Variants in PPFIA1 observed in about 807,000 individuals in gnomAD.
The protein encoded by PPFIA1 is PPFI scaffold protein A1.
Under a neutral mutation model 149.9 loss-of-function variants are expected in PPFIA1, and 25 were observed. The ratio of observed to expected loss-of-function variants is 0.17; its 90% CI spans 0.12 to 0.23. PPFIA1 has a LOEUF of 0.23. Among genes scored for constraint, PPFIA1 ranks in the 10% least tolerant of loss-of-function variants. The probability of loss-of-function intolerance (pLI) is 1.00; values close to 1 mark genes in which losing one functional copy is unlikely to be tolerated. For synonymous variants in PPFIA1, 549 were observed against 552.8 expected, an observed-to-expected ratio of 0.99 and a Z score of 0.10; for missense variants, 1,362 against 1,506.5, an observed-to-expected ratio of 0.90 and a Z score of 1.59.
At chr11:70,372,177 T>C in intron 21 of PPFIA1, 38 bp from the exon 22 acceptor site, 1 of 1,551,560 alleles carries the variant, frequency 6.4e-7, no homozygotes, top group Non-Finnish European at 8.7e-7. Flanking sequence ...CTTTTGAGAC[T>C]TCCTCTGTAA....
intron 2 of PPFIA1, chr11:70,278,877 T>C: frequency 2.0e-6 from 1 of 508,116 alleles, no homozygotes. Context: ...GTAGAGTGTT[T>C]AGGGTCCTGA....
At chr11:70,379,418 G>C (rs985295125) in intron 26 of PPFIA1, among the ~76,000 whole-genome samples, 3 of 151,432 alleles carry the variant, frequency 2.0e-5, no homozygotes, top group African/African-American at 4.9e-5. Context: ...AGATTGTGCC[G>C]CTGCACTCTA....
At chr11:70,297,917 A>C (rs2052191534) in intron 2 of PPFIA1, among the ~76,000 whole-genome samples, 1 of 152,224 alleles carries the variant, frequency 6.6e-6, no homozygotes, top group African/African-American at 2.4e-5. Context: ...GGTGGCCAGC[A>C]TGCCTGACAA....
intron 1 of PPFIA1, among the ~76,000 whole-genome samples, chr11:70,271,706 G>A (rs534885979): frequency 5.9e-5 from 9 of 152,264 alleles, no homozygotes; most frequent in African/African-American, 2.2e-4. Context: ...GATGCCTGAT[G>A]GATTTTGTAC....
intron 21 of PPFIA1, among the ~76,000 whole-genome samples, chr11:70,368,350 A>T (rs752042382): frequency 6.6e-6 from 1 of 152,220 alleles, no homozygotes; most frequent in Non-Finnish European, 1.5e-5. Flanking sequence ...TAAATTTAGA[A>T]TTTGAGTTAT....
intron 12 of PPFIA1, 82 bp from the exon 13 acceptor site, chr11:70,338,292 C>T (rs1287124380): frequency 3.5e-6 from 4 of 1,137,932 alleles, no homozygotes; most frequent in Non-Finnish European, 3.9e-6. Context: ...AGGGTTATGC[C>T]CAACATCTGA....
At chr11:70,366,769 G>A (rs535075417) in intron 21 of PPFIA1, among the ~76,000 whole-genome samples, 2 of 152,322 alleles carry the variant, frequency 1.3e-5, no homozygotes, top group African/African-American at 4.8e-5. Context: ...ATTACGAGGT[G>A]ATGGTTGAAG....
chr11:70,271,297 C>G (rs1455520769), intron 1 of PPFIA1: 3 of 152,514 alleles, frequency 2.0e-5, no homozygotes, highest in Non-Finnish European at 4.4e-5. Context: ...CTCGAGCAGG[C>G]TGGAGGTCAC....
chr11:70,286,962 TACATATAC>T (rs1565344850), intron 2 of PPFIA1, among the ~76,000 whole-genome samples: 2 of 147,694 alleles, frequency 1.4e-5, no homozygotes, highest in Middle Eastern at 3.5e-3. Flanking sequence ...ACTATATATA[TACATATAC>T]ACATATATGC....
intron 2 of PPFIA1, among the ~76,000 whole-genome samples, chr11:70,301,942 G>C (rs1304167713): frequency 6.6e-6 from 1 of 152,252 alleles, no homozygotes; most frequent in Admixed American, 6.5e-5. Flanking sequence ...GTGACCGTGT[G>C]AACATGGCTG....
intron 2 of PPFIA1, among the ~76,000 whole-genome samples, chr11:70,282,006 C>G (rs2050789099): frequency 6.6e-6 from 1 of 152,160 alleles, no homozygotes; most frequent in African/African-American, 2.4e-5. Flanking sequence ...AGAACCCACT[C>G]ACCTCGCTTA....
At chr11:70,300,464 G>A (rs1156329478) in intron 2 of PPFIA1, among the ~76,000 whole-genome samples, 4 of 152,088 alleles carry the variant, frequency 2.6e-5, no homozygotes, top group Non-Finnish European at 5.9e-5. Flanking sequence ...CCGTCTCCTG[G>A]GTTCAAGCAC....
intron 2 of PPFIA1, among the ~76,000 whole-genome samples, chr11:70,286,986 C>T (rs1591059521): frequency 1.3e-5 from 1 of 78,604 alleles, no homozygotes; most frequent in African/African-American, 7.7e-5. Context: ...TATGCACATA[C>T]ACACACACAC....
intron 21 of PPFIA1, chr11:70,367,463 G>C: frequency 2.2e-6 from 1 of 453,830 alleles, no homozygotes; most frequent in South Asian, 1.6e-5. Flanking sequence ...CCGTCATGGA[G>C]CTCCCATTTT....
At position 70,272,236 on chromosome 11, in the gene PPFIA1, C is replaced by T. The variant is rs1275379618; in HGVS notation, c.64C>T (p.His22Tyr). 2 of 1,614,070 alleles carry T rather than the reference C, an allele frequency of 1.2e-6. No homozygotes were observed. Among genetic ancestry groups the T allele is most frequent in the Non-Finnish European group, 1.7e-6 (2 of 1,179,960 alleles). Residue 22 changes from histidine to tyrosine, a missense_variant, in exon 2 of 28, where the codon CAT (histidine) becomes TAT (tyrosine). By Grantham distance (83) the His-to-Tyr change is moderately conservative (BLOSUM62 2). This residue lies in a region of PPFIA1 where 100 missense variants were observed against 106.2 expected (regional missense o/e 0.94). Coordinates refer to ENST00000253925, the MANE Select transcript of PPFIA1 (RefSeq NM_003626.5). ...AGGCCCCCCTGGAGGAGGTGGAGGC[C>T]ATGGTTCCGGCTCCCCTTCACAGCC... is the stretch of plus-strand genomic sequence containing the variant. ...AEGPPGGGGG[H>Y]GSGSPSQPDA... is the part of the protein sequence containing the mutation.
intron 14 of PPFIA1, among the ~76,000 whole-genome samples, chr11:70,339,844 G>C (rs1424400387): frequency 6.6e-6 from 1 of 151,924 alleles, no homozygotes; most frequent in South Asian, 2.1e-4. Flanking sequence ...GTGAAACCCC[G>C]TCTCTACTAA....
intron 10 of PPFIA1, chr11:70,334,468 A>C (rs1024324320): frequency 6.6e-6 from 1 of 152,218 alleles, no homozygotes; most frequent in African/African-American, 2.4e-5. Context: ...CTCCCCTTCC[A>C]AAATGCACAC....
rs1219181599 is a variant in PPFIA1, at chr11:70,324,468, A to T, written c.331A>T (p.Ile111Phe). The T allele has an allele frequency of 4.3e-6, 7 of 1,613,592 alleles. No individual in the cohort carries two copies. Among genetic ancestry groups the T allele is most frequent in the Admixed American group, 1.7e-5 (1 of 60,004 alleles). Residue 111 changes from isoleucine (I) to phenylalanine (F), a missense_variant, in exon 3 of 28, where the codon ATT becomes TTT. By Grantham distance (21) the Ile-to-Phe change is conservative. This residue lies in a region of PPFIA1 where 79 missense variants were observed against 146.2 expected (regional missense o/e 0.54). Coordinates refer to ENST00000253925, the MANE Select transcript of PPFIA1 (RefSeq NM_003626.5). ...ACAGCTCCTTGAAAGGGAAGAAGAA[A>T]TTGCTGAACTGAAAGCAGAAAGGAA... Reference protein sequence around the residue: ...REQLLEREEEIAELKAERNNT... With the variant: ...REQLLEREEEFAELKAERNNT...
chr11:70,325,259 C>T, intron 4 of PPFIA1: 1 of 432,008 alleles, frequency 2.3e-6, no homozygotes, highest in Non-Finnish European at 4.0e-6. Flanking sequence ...GTGGGCAAAA[C>T]CTGCAATTAC....
Sources: allele counts gnomAD v4.1 joint callset (sites outside exome capture counted in the v4.1 genomes callset), GRCh38; gene constraint gnomAD v4.1.1; regional missense constraint gnomAD v4.1.1; transcripts MANE v1.5; gene names NCBI Gene and HGNC (gene_info 2026-07-23, HGNC 2026-07-21).